COL24A1: variants seen among roughly 807,000 people sequenced by gnomAD.
COL24A1 encodes collagen type XXIV alpha 1 chain.
COL24A1 carries 224 observed loss-of-function variants against 253.9 expected under a neutral mutation model. That is an observed-to-expected ratio of 0.88 (90% CI 0.79 to 0.99). COL24A1 has a LOEUF of 0.99. COL24A1 is among the 50% of genes least tolerant of loss of function. The pLI is 0.00. For synonymous variants in COL24A1, 685 were observed against 673.7 expected (o/e 1.02, Z -0.26); for missense variants, 2,131 against 2,068.5 (o/e 1.03, Z -0.59).
chr1:85,818,007 G>A lies in COL24A1; in HGVS notation c.3843+27C>T, dbSNP rs577884622. 15 of 1,607,106 alleles carry A rather than the reference G, an allele frequency of 9.3e-6. No homozygotes were observed. In the Admixed American group the frequency reaches 1.0e-4, roughly 11 times the overall value. On this transcript the variant is annotated intron_variant, in intron 46 of 59. Coordinates refer to ENST00000370571, the MANE Select transcript of COL24A1 (RefSeq NM_152890.7). ...TTGCCAGTTCCATTTAGAAAAGCAA[G>A]AAAGATGAAAGAGGCCTGTTACTTA...
At chr1:86,053,143 T>A (rs1379068679) in intron 10 of COL24A1, among the ~76,000 whole-genome samples, 1 of 152,118 alleles carries the variant, frequency 6.6e-6, no homozygotes, top group South Asian at 2.1e-4. Flanking sequence ...AGGATTATGA[T>A]GACAAGCTGT....
rs528268160 is a variant in COL24A1, at chr1:86,111,913, G to A, written c.1599+654C>T. Among the ~76,000 whole-genome samples the A allele has an allele frequency of 2.6e-5, 4 of 152,240 alleles. No individual in the cohort carries two copies. In the East Asian group the frequency reaches 7.7e-4, roughly 29 times the overall value. ...CAGCAAGATCAGGAACCCACCAGAA[G>A]GAAGAAACTGCGAACATGTCCGAAC... On this transcript the variant is annotated intron_variant, in intron 5 of 59. Transcript: ENST00000370571.
intron 6 of COL24A1, among the ~76,000 whole-genome samples, chr1:86,090,046 G>A (rs1427114445): frequency 6.6e-6 from 1 of 152,110 alleles, no homozygotes; most frequent in African/African-American, 2.4e-5. Flanking sequence ...CTTCCATCCT[G>A]CGTGCCAGCT....
At chr1:85,768,080 A>T (rs772595529) in intron 53 of COL24A1, among the ~76,000 whole-genome samples, 1 of 152,236 alleles carries the variant, frequency 6.6e-6, no homozygotes, top group Non-Finnish European at 1.5e-5. Context: ...GACTTCTTTA[A>T]GATGGTATTT....
chr1:85,957,292 G>A (rs1690566017), intron 24 of COL24A1, among the ~76,000 whole-genome samples: 1 of 152,040 alleles, frequency 6.6e-6, no homozygotes, highest in Non-Finnish European at 1.5e-5. Context: ...AACCACCATG[G>A]CACATGTATA....
intron 55 of COL24A1, among the ~76,000 whole-genome samples, chr1:85,747,431 A>G (rs1665358363): frequency 6.6e-6 from 1 of 152,090 alleles, no homozygotes; most frequent in Admixed American, 6.5e-5. Flanking sequence ...GATATTGACT[A>G]TAGTAGAAAC....
chr1:85,946,994 T>C (rs956190416), intron 24 of COL24A1, among the ~76,000 whole-genome samples: 16 of 152,230 alleles, frequency 1.1e-4, no homozygotes, highest in African/African-American at 3.6e-4. Context: ...GGGATAATTC[T>C]GAGTTTCGAA....
At chr1:86,091,833 G>A (rs1703512058) in intron 6 of COL24A1, among the ~76,000 whole-genome samples, 1 of 152,052 alleles carries the variant, frequency 6.6e-6, no homozygotes, top group South Asian at 2.1e-4. Flanking sequence ...CAAGATAGTG[G>A]TGACCGCTTC....
At position 86,125,310 on chromosome 1, in the gene COL24A1, A is replaced by G. The variant is rs764877071; in HGVS notation, c.1026T>C (p.Asp342=). 29 of 1,613,562 alleles carry G rather than the reference A, an allele frequency of 1.8e-5. 1 individual carries two copies. Among genetic ancestry groups the G allele is most frequent in the South Asian group, 9.9e-5 (9 of 91,088 alleles). ...IQAKEMITEE[D]TQTNFSLSVT... is the part of the protein sequence containing the mutation. ...CTGACAGGCTGAAATTTGTCTGAGT[A>G]TCTTCCTCAGTGATCATTTCTTTGG... The change falls in exon 3 of 60, where the codon GAT becomes GAC. Residue 342 remains aspartate (D), a synonymous_variant. Coordinates refer to ENST00000370571, the MANE Select transcript of COL24A1 (RefSeq NM_152890.7).
intron 3 of COL24A1, among the ~76,000 whole-genome samples, chr1:86,123,079 C>T (rs1369438220): frequency 6.6e-6 from 1 of 151,774 alleles, no homozygotes; most frequent in Non-Finnish European, 1.5e-5. Context: ...AGTTTCTTCA[C>T]CTGAAAAATG....
intron 6 of COL24A1, among the ~76,000 whole-genome samples, chr1:86,089,446 C>T (rs1557575813): frequency 6.6e-6 from 1 of 152,278 alleles, no homozygotes; most frequent in East Asian, 1.9e-4. Flanking sequence ...ATCCTTGCTC[C>T]GTTTTCTCTG....
At chr1:85,824,903 TTTATTA>T (rs67610324) in intron 43 of COL24A1, among the ~76,000 whole-genome samples, 57,664 of 144,578 alleles carry the variant, frequency 0.4, 12,317 homozygotes, top group East Asian at 0.56. Context: ...TATTTATTCT[TTTATTA>T]TTATTATTAT....
chr1:85,896,588 A>G (rs533708025), intron 28 of COL24A1, among the ~76,000 whole-genome samples, 179 bp from the exon 29 acceptor site: 5 of 151,380 alleles, frequency 3.3e-5, no homozygotes, highest in South Asian at 2.1e-4. Flanking sequence ...TCCGCCTCCC[A>G]GGTTCACGCC....
At chr1:85,848,508 C>T (rs1677388759) in intron 38 of COL24A1, among the ~76,000 whole-genome samples, 1 of 152,148 alleles carries the variant, frequency 6.6e-6, no homozygotes, top group African/African-American at 2.4e-5. Context: ...CAGGGTTTCA[C>T]CATGTTGGCC....
intron 11 of COL24A1, among the ~76,000 whole-genome samples, chr1:86,049,694 T>C (rs997335307): frequency 2.6e-5 from 4 of 152,166 alleles, no homozygotes; most frequent in African/African-American, 9.7e-5. Flanking sequence ...TAAGTACCCA[T>C]ATTTATTAAC....
intron 23 of COL24A1, among the ~76,000 whole-genome samples, chr1:85,961,861 T>C (rs1461997558): frequency 6.6e-6 from 1 of 151,992 alleles, no homozygotes; most frequent in African/African-American, 2.4e-5. Context: ...ATCCCAAGAA[T>C]AGCAAGGCGG....
chr1:85,747,101 C>CTTTTTTTTT (rs34758363), intron 55 of COL24A1, among the ~76,000 whole-genome samples: 2 of 111,278 alleles, frequency 1.8e-5, no homozygotes, highest in Non-Finnish European at 3.6e-5. Context: ...TGAATTATAA[C>CTTTTTTTTT]TTTTTTTTTT....
intron 28 of COL24A1, among the ~76,000 whole-genome samples, chr1:85,900,632 C>G (rs1304113494): frequency 1.3e-5 from 2 of 151,866 alleles, no homozygotes; most frequent in Non-Finnish European, 2.9e-5. Flanking sequence ...GAGTTACACC[C>G]CATCTTTAAA....
At chr1:85,853,867 C>T (rs1047162838) in intron 37 of COL24A1, among the ~76,000 whole-genome samples, 1 of 151,966 alleles carries the variant, frequency 6.6e-6, no homozygotes, top group African/African-American at 2.4e-5. Context: ...GGATATTAGA[C>T]CTTTGTTGGA....
Sources: allele counts gnomAD v4.1 joint callset (sites outside exome capture counted in the v4.1 genomes callset), GRCh38; gene constraint gnomAD v4.1.1; transcripts MANE v1.5; gene names NCBI Gene and HGNC (gene_info 2026-07-23, HGNC 2026-07-21).